The following CAST variants were observed in gnomAD, a reference collection of about 807,000 sequenced individuals.
CAST encodes the protein MIR583 host.
In CAST, 76 loss-of-function variants were observed where a neutral mutation model predicts 119.6. The ratio of observed to expected loss-of-function variants is 0.64; its 90% CI spans 0.53 to 0.77. The LOEUF (loss-of-function observed/expected upper bound fraction) is 0.77, where lower values mean the gene tolerates loss of function less well. CAST is among the 30% of genes least tolerant of loss of function. The pLI, the probability that CAST is intolerant of heterozygous loss-of-function variation, is 0.00. For missense variants in CAST, 953 were observed against 946.5 expected (o/e 1.01, Z -0.09); for synonymous variants, 319 against 331.6 (o/e 0.96, Z 0.41).
chr5:96,416,577 G>T, the CAST span, among the ~76,000 whole-genome samples: 1 of 152,142 alleles, frequency 6.6e-6, no homozygotes, highest in South Asian at 2.1e-4. Context: ...GACTGCCTTG[G>T]ATTAGATTAT....
chr5:96,423,518 G>A, the CAST span: 6 of 1,519,614 alleles, frequency 3.9e-6, no homozygotes, highest in African/African-American at 5.5e-5. Flanking sequence ...TACAAAATGG[G>A]CACTTCAGTT....
chr5:96,071,539 G>T, the CAST span, among the ~76,000 whole-genome samples: 6 of 152,000 alleles, frequency 3.9e-5, no homozygotes, highest in Admixed American at 3.9e-4. Flanking sequence ...TCATGGACCA[G>T]CCCTCACCTG....
intron 1 of CAST, among the ~76,000 whole-genome samples, chr5:96,670,365 AAATAAT>A (rs1045437386): frequency 1.3e-5 from 2 of 152,292 alleles, no homozygotes; most frequent in Non-Finnish European, 1.5e-5. Flanking sequence ...ATACTTTAAA[AAATAAT>A]AATAATAAAG....
At chr5:96,765,459 AG>A in intron 26 of CAST, 134 bp downstream of exon 26, 1 of 594,164 alleles carries the variant, frequency 1.7e-6, no homozygotes, top group Non-Finnish European at 3.0e-6. Context: ...ATAATGAAAT[AG>A]AAAAATCAAT....
intron 1 of CAST, among the ~76,000 whole-genome samples, chr5:96,672,475 T>G (rs1750194838): frequency 6.6e-6 from 1 of 152,058 alleles, no homozygotes; most frequent in African/African-American, 2.4e-5. Flanking sequence ...TTTGGGAGGC[T>G]GAGGGTGGAT....
At chr5:96,619,208 G>T (rs1747537241) in intron 1 of CAST, among the ~76,000 whole-genome samples, 1 of 151,612 alleles carries the variant, frequency 6.6e-6, no homozygotes, top group Non-Finnish European at 1.5e-5. Flanking sequence ...ATCTACCTAA[G>T]GGTTTGTAAA....
chr5:96,604,768 A>T (rs1329028178), intron 1 of CAST, among the ~76,000 whole-genome samples: 2 of 152,248 alleles, frequency 1.3e-5, no homozygotes, highest in African/African-American at 4.8e-5. Context: ...ACGTCCAGGC[A>T]TGGGATTTAG....
the CAST span, among the ~76,000 whole-genome samples, chr5:96,013,618 A>G: frequency 6.6e-6 from 1 of 152,156 alleles, no homozygotes; most frequent in Non-Finnish European, 1.5e-5. Flanking sequence ...TACAAACATC[A>G]TAGAGTATAC....
the CAST span, among the ~76,000 whole-genome samples, chr5:96,125,409 G>A: frequency 6.6e-6 from 1 of 152,096 alleles, no homozygotes; most frequent in Non-Finnish European, 1.5e-5. Flanking sequence ...CTAAAGGTTA[G>A]CTCTTTAAAG....
the CAST span, among the ~76,000 whole-genome samples, chr5:96,395,652 G>C: frequency 2.6e-5 from 4 of 152,278 alleles, no homozygotes; most frequent in East Asian, 7.7e-4. Context: ...GGAGTAGGGG[G>C]CAAGGGGAGG....
the CAST span, among the ~76,000 whole-genome samples, chr5:96,153,385 G>A: frequency 6.6e-6 from 1 of 152,186 alleles, no homozygotes; most frequent in African/African-American, 2.4e-5. Context: ...AACGCACTCA[G>A]GTTCTGGAAT....
At chr5:96,186,896 A>G in the CAST span, among the ~76,000 whole-genome samples, 1 of 152,146 alleles carries the variant, frequency 6.6e-6, no homozygotes, top group South Asian at 2.1e-4. Context: ...CTCCTTTTCA[A>G]TTATTTGGAA....
chr5:96,030,985 T>C, the CAST span, among the ~76,000 whole-genome samples: 2 of 152,178 alleles, frequency 1.3e-5, no homozygotes, highest in East Asian at 1.9e-4. Context: ...ATTGCTTTGA[T>C]GGATTGGAGC....
intron 1 of CAST, among the ~76,000 whole-genome samples, chr5:96,655,059 A>G (rs1160052949): frequency 9.2e-5 from 14 of 152,240 alleles, no homozygotes; most frequent in Non-Finnish European, 2.1e-4. Context: ...TTTTATAAAT[A>G]CATTGTCCTT....
chr5:96,728,900 T>G, intron 6 of CAST: 1 of 427,896 alleles, frequency 2.3e-6, no homozygotes, highest in Non-Finnish European at 4.2e-6. Flanking sequence ...TATTTGAAAA[T>G]ATTATTCAGA....
At chr5:96,410,729 ACG>A in the CAST span, 3 of 1,455,828 alleles carry the variant, frequency 2.1e-6, no homozygotes, top group Non-Finnish European at 2.9e-6. Flanking sequence ...CATGCATGCC[ACG>A]CTCTCCTAAC....
chr5:96,751,128 T>C (rs1293700109), intron 20 of CAST, among the ~76,000 whole-genome samples: 3 of 152,346 alleles, frequency 2.0e-5, no homozygotes, highest in Non-Finnish European at 1.5e-5. Flanking sequence ...CCTTCTTCTT[T>C]TCGTGCTTCT....
At chr5:96,624,299 A>G (rs1019710744) in intron 1 of CAST, among the ~76,000 whole-genome samples, 1 of 152,232 alleles carries the variant, frequency 6.6e-6, no homozygotes, top group Non-Finnish European at 1.5e-5. Flanking sequence ...GAGTGTTTCA[A>G]CACGCTAAGC....
the CAST span, among the ~76,000 whole-genome samples, chr5:96,000,542 G>A: frequency 1.3e-5 from 2 of 152,168 alleles, no homozygotes; most frequent in Admixed American, 6.6e-5. Flanking sequence ...ATACAAAAGT[G>A]AAAGATGGCA....
Sources: gnomAD v4.1 joint callset for allele counts (sites outside exome capture counted in the v4.1 genomes callset) on GRCh38, gnomAD v4.1.1 for gene constraint, MANE v1.5 for transcripts, NCBI Gene and HGNC (gene_info 2026-07-23, HGNC 2026-07-21) for gene names.